The following SH3BGRL2 variants were observed in gnomAD, a reference collection of about 807,000 sequenced individuals.
The protein encoded by SH3BGRL2 is SH3 domain-binding glutamic acid-rich-like protein 2.
A neutral mutation model predicts 14.8 loss-of-function variants in SH3BGRL2; 21 were observed. That is an observed-to-expected ratio of 1.42 (90% CI 1.01 to 2.05). The LOEUF is 2.05. Among genes scored for constraint, SH3BGRL2 ranks in the 30% most tolerant of loss-of-function variants. The pLI is 0.00. For synonymous variants in SH3BGRL2, 50 were observed against 47.8 expected (o/e 1.05, Z -0.19); for missense variants, 147 against 130.8 (o/e 1.12, Z -0.61).
At chr6:79,570,418 A>G in the SH3BGRL2 span, among the ~76,000 whole-genome samples, 1 of 152,228 alleles carries the variant, frequency 6.6e-6, no homozygotes, top group Non-Finnish European at 1.5e-5. Context: ...GAATCAAAAA[A>G]CAAATTGCAC....
chr6:79,681,802 C>T (rs1304566679), intron 2 of SH3BGRL2, among the ~76,000 whole-genome samples: 1 of 151,862 alleles, frequency 6.6e-6, no homozygotes, highest in Non-Finnish European at 1.5e-5. Flanking sequence ...TACAAATATC[C>T]GATCCATATA....
rs1335867634 is a variant in SH3BGRL2, at chr6:79,700,022, C to T, written c.*513C>T. 1.3e-5 allele frequency: 2 copies of T among 153,248 alleles called. No individual in the cohort carries two copies. The highest frequency in any genetic ancestry group is 6.5e-5 in the Admixed American group (1 of 15,290). The allele number at this position is 153,248 out of a possible 1,614,324, so 9.5% of individuals were successfully genotyped here. On this transcript the variant is annotated 3_prime_UTR_variant, in exon 4 of 4. Coordinates refer to ENST00000369838, the MANE Select transcript of SH3BGRL2 (RefSeq NM_031469.4). ...AGAATCAGTTACAAACATCACAGTT[C>T]CCATGCTTTGTAATAACACCTGGTG...
At chr6:79,588,085 A>G in the SH3BGRL2 span, among the ~76,000 whole-genome samples, 1 of 152,126 alleles carries the variant, frequency 6.6e-6, no homozygotes, top group Non-Finnish European at 1.5e-5. Flanking sequence ...CGAGGTCAGG[A>G]GATTGAGACC....
At chr6:79,590,955 C>T in the SH3BGRL2 span, among the ~76,000 whole-genome samples, 1 of 152,172 alleles carries the variant, frequency 6.6e-6, no homozygotes, top group East Asian at 1.9e-4. Flanking sequence ...TTTGTATCTA[C>T]ATCCCTAAAA....
intron 2 of SH3BGRL2, among the ~76,000 whole-genome samples, chr6:79,686,837 AGT>A (rs1394849163): frequency 6.6e-6 from 1 of 151,902 alleles, no homozygotes; most frequent in Non-Finnish European, 1.5e-5. Flanking sequence ...TGTGTAGGAG[AGT>A]GGGGGTAGCA....
chr6:79,632,609 G>A (rs866320825), intron 1 of SH3BGRL2, among the ~76,000 whole-genome samples: 16 of 152,292 alleles, frequency 1.1e-4, no homozygotes, highest in African/African-American at 2.9e-4. Flanking sequence ...CACCACTGAA[G>A]TTTTTTATTT....
At chr6:79,570,061 A>G in the SH3BGRL2 span, among the ~76,000 whole-genome samples, 1 of 152,218 alleles carries the variant, frequency 6.6e-6, no homozygotes, top group Non-Finnish European at 1.5e-5. Context: ...TTTCATGTCT[A>G]CAATTTTTAA....
chr6:79,604,518 T>C, the SH3BGRL2 span, among the ~76,000 whole-genome samples: 2 of 152,222 alleles, frequency 1.3e-5, no homozygotes, highest in South Asian at 4.1e-4. Flanking sequence ...GGTGGTTTCA[T>C]GATGATCCCT....
the SH3BGRL2 span, among the ~76,000 whole-genome samples, chr6:79,624,027 AAT>A: frequency 6.6e-6 from 1 of 152,128 alleles, no homozygotes; most frequent in Admixed American, 6.5e-5. Flanking sequence ...GAGGAATCAA[AAT>A]AGTTTCTGAA....
At chr6:79,652,641 T>C (rs1332220025) in intron 1 of SH3BGRL2, among the ~76,000 whole-genome samples, 1 of 152,008 alleles carries the variant, frequency 6.6e-6, no homozygotes, top group Non-Finnish European at 1.5e-5. Context: ...AATAAATATT[T>C]TCAGGATGAA....
chr6:79,640,392 T>C (rs1286099510), intron 1 of SH3BGRL2, among the ~76,000 whole-genome samples: 1 of 152,208 alleles, frequency 6.6e-6, no homozygotes, highest in Non-Finnish European at 1.5e-5. Flanking sequence ...CTTAATTGAA[T>C]GTTTCCCTTC....
the SH3BGRL2 span, among the ~76,000 whole-genome samples, chr6:79,577,445 C>G: frequency 2.0e-5 from 3 of 152,022 alleles, no homozygotes; most frequent in East Asian, 1.9e-4. Flanking sequence ...TATACTAAAC[C>G]CTTTACTATG....
At chr6:79,631,229 C>G (rs902542901), upstream of SH3BGRL2, 1 of 401,062 alleles carries the variant, frequency 2.5e-6, no homozygotes, top group East Asian at 3.7e-5. Flanking sequence ...CAAATCCCAT[C>G]AAGCCCCGCA....
chr6:79,627,962 C>G (rs9448752), upstream of SH3BGRL2, among the ~76,000 whole-genome samples: 2 of 152,110 alleles, frequency 1.3e-5, no homozygotes, highest in Admixed American at 6.5e-5. Flanking sequence ...TCACTAAACT[C>G]TAACTGAAAT....
the SH3BGRL2 span, among the ~76,000 whole-genome samples, chr6:79,541,415 T>C: frequency 6.6e-6 from 1 of 152,218 alleles, no homozygotes; most frequent in African/African-American, 2.4e-5. Flanking sequence ...CACGTATGGT[T>C]GGATCCAAGT....
chr6:79,617,369 T>A, the SH3BGRL2 span, among the ~76,000 whole-genome samples: 2 of 152,194 alleles, frequency 1.3e-5, no homozygotes, highest in Non-Finnish European at 2.9e-5. Context: ...GTTCTGCCTC[T>A]CCTAAGAATA....
intron 2 of SH3BGRL2, among the ~76,000 whole-genome samples, chr6:79,682,582 ATG>A (rs35404836): frequency 0.1 from 15,397 of 152,222 alleles, 1,273 homozygotes; most frequent in East Asian, 0.44. Context: ...TGATTATTAT[ATG>A]TGTTGCTGAT....
chr6:79,634,632 C>G (rs1408466237), intron 1 of SH3BGRL2, among the ~76,000 whole-genome samples: 1 of 152,084 alleles, frequency 6.6e-6, no homozygotes, highest in Admixed American at 6.5e-5. Context: ...GAGTCTGCTG[C>G]TTGCCTAGCT....
At chr6:79,590,663 A>C in the SH3BGRL2 span, among the ~76,000 whole-genome samples, 1 of 151,776 alleles carries the variant, frequency 6.6e-6, no homozygotes, top group Non-Finnish European at 1.5e-5. Flanking sequence ...ACTGGGGACT[A>C]CTAGAGGCAG....
Sources: allele counts gnomAD v4.1 joint callset (sites outside exome capture counted in the v4.1 genomes callset), GRCh38; gene constraint gnomAD v4.1.1; transcripts MANE v1.5; gene names NCBI Gene and HGNC (gene_info 2026-07-23, HGNC 2026-07-21).